The following ARHGAP36 variants were observed in gnomAD, a reference collection of about 807,000 sequenced individuals.
The protein encoded by ARHGAP36 is rho GTPase-activating protein 36.
ARHGAP36 carries 7 observed loss-of-function variants against 32.9 expected under a neutral mutation model. That is an observed-to-expected ratio of 0.21 (90% CI 0.12 to 0.40). The LOEUF is 0.40. Ranked by LOEUF, ARHGAP36 falls within the 10% of genes least tolerant of loss-of-function variation. ARHGAP36 has a pLI of 1.00. For synonymous variants in ARHGAP36, 165 were observed against 168.3 expected (o/e 0.98, Z 0.15); for missense variants, 383 against 442.2 (o/e 0.87, Z 1.20).
chrX:131,088,548 A>G lies in ARHGAP36; in HGVS notation c.1487-80A>G, dbSNP rs2079848272. The G allele has an allele frequency of 9.7e-6, 10 of 1,035,213 alleles. No individual in the cohort carries two copies. In the Middle Eastern group the frequency reaches 1.5e-3, roughly 151 times the overall value. The allele number at this position is 1,035,213 out of a possible 1,213,427, so 85.3% of individuals were successfully genotyped here. ...CCTCATACTGTATTTGAAACTCAAA[A>G]TTAGGTCTTAGTGCCTTGGGTGCTG... On this transcript the variant is annotated intron_variant, in intron 11 of 11. Transcript: ENST00000276211.
chrX:131,084,568 G>A, intron 5 of ARHGAP36, 58 bp from the exon 6 acceptor site: 1 of 1,191,592 alleles, frequency 8.4e-7, no homozygotes, highest in Admixed American at 2.2e-5. Flanking sequence ...GGGGAGAAGA[G>A]AAATGCCATG....
rs1167961143 is a variant in ARHGAP36, at chrX:131,081,506, T to A, written c.-142-18T>A. 8 of 1,040,239 alleles carry A rather than the reference T, an allele frequency of 7.7e-6. No individual in the cohort carries two copies. In the East Asian group the frequency reaches 2.8e-4, roughly 36 times the overall value. The allele number at this position is 1,040,239 out of a possible 1,213,427, so 85.7% of individuals were successfully genotyped here. A position where few individuals can be genotyped will look rare whatever the true frequency, so the allele number is the denominator to read the frequency against. On this transcript the variant is annotated intron_variant, in intron 1 of 11. Coordinates refer to ENST00000276211, the MANE Select transcript of ARHGAP36 (RefSeq NM_144967.4). The stretch of plus-strand genomic sequence containing the variant: ...AAGGGCTGAATTTTTGAAGTTGGAT[T>A]TTTTTTTTCTTTTTTAGCAAAAACA...
chrX:131,071,483 G>A (rs1467422453), intron 1 of ARHGAP36, among the ~76,000 whole-genome samples: 1 of 111,507 alleles, frequency 9.0e-6, no homozygotes, highest in Non-Finnish European at 1.9e-5. Flanking sequence ...AGCAATGATG[G>A]TGAGGTGGCA....
At chrX:131,065,640 CTGAG>C (rs1249871547) in intron 1 of ARHGAP36, among the ~76,000 whole-genome samples, 1 of 111,153 alleles carries the variant, frequency 9.0e-6, no homozygotes, top group Non-Finnish European at 1.9e-5. Context: ...TATGCCCTGC[CTGAG>C]TAAGACTGAC....
chrX:131,080,313 T>C (rs939569152), intron 1 of ARHGAP36, among the ~76,000 whole-genome samples: 1 of 111,462 alleles, frequency 9.0e-6, no homozygotes, highest in African/African-American at 3.3e-5. Context: ...CACAATACTT[T>C]GTTTATATCT....
chrX:131,087,275 A>G (rs1185016954), intron 11 of ARHGAP36, among the ~76,000 whole-genome samples: 1 of 112,096 alleles, frequency 8.9e-6, no homozygotes, highest in African/African-American at 3.2e-5. Context: ...AGTCTTGAAG[A>G]TGTCCCAGCT....
chrX:131,082,051 C>A (rs754787095), intron 2 of ARHGAP36, 133 bp downstream of exon 2: 4 of 831,422 alleles, frequency 4.8e-6, no homozygotes, highest in East Asian at 3.2e-5. Context: ...GTTCTCCTGG[C>A]GTCTGGGGAA....
At chrX:131,062,717 C>CT (rs1399651467) in intron 1 of ARHGAP36, among the ~76,000 whole-genome samples, 3 of 111,870 alleles carry the variant, frequency 2.7e-5, no homozygotes, top group Non-Finnish European at 5.6e-5. Flanking sequence ...TCAAAAGAAG[C>CT]TTTTTTCCCA....
At chrX:131,081,170 C>T (rs915405636) in intron 1 of ARHGAP36, among the ~76,000 whole-genome samples, 11 of 109,639 alleles carry the variant, frequency 1.0e-4, no homozygotes, top group Non-Finnish European at 1.9e-4. Context: ...GGCCTGGGGA[C>T]GATTTTTGGC....
chrX:131,082,526 G>T, intron 2 of ARHGAP36, among the ~76,000 whole-genome samples: 1 of 113,105 alleles, frequency 8.8e-6, no homozygotes, highest in East Asian at 2.8e-4. Context: ...CGCGGATTTG[G>T]CAGCGGAGCC....
In ARHGAP36 at chrX:131,077,021, C is replaced by T. The variant is rs781577392; in HGVS notation, c.-142-4503C>T. On this transcript the variant is annotated intron_variant, in intron 1 of 11. Coordinates refer to ENST00000276211, the MANE Select transcript of ARHGAP36 (RefSeq NM_144967.4). ...TTTAATTATCTTGGAGCGTCATCAC[C>T]ACATTGTATAAAATGAGCCATATTG... Among the ~76,000 whole-genome samples the T allele has an allele frequency of 8.0e-5, 9 of 112,013 alleles. No homozygotes were observed. In the East Asian group the frequency reaches 2.5e-3, roughly 31 times the overall value.
At chrX:131,083,296 C>T in intron 3 of ARHGAP36, 66 bp downstream of exon 3, 1 of 1,079,102 alleles carries the variant, frequency 9.3e-7, no homozygotes, top group Non-Finnish European at 1.3e-6. Context: ...TAGTGTGGCC[C>T]TGGCTATTGG....
chrX:131,058,471 G>C, intron 1 of ARHGAP36, 27 bp downstream of exon 1: 1 of 1,019,622 alleles, frequency 9.8e-7, no homozygotes, highest in South Asian at 3.3e-5. Context: ...GAGTCGGGGG[G>C]CTGGGGTGCT....
intron 1 of ARHGAP36, among the ~76,000 whole-genome samples, chrX:131,075,527 T>C (rs1466076417): frequency 9.2e-6 from 1 of 108,987 alleles, no homozygotes; most frequent in Non-Finnish European, 1.9e-5. Context: ...AATAGTCTTT[T>C]TTTTCCAAAA....
rs1311531400 is a variant in ARHGAP36 at position 131,083,887 on chromosome X, T to C, written c.473T>C (p.Val158Ala). 8.3e-7 allele frequency: 1 copy of C among 1,211,029 alleles called. No individual in the cohort carries two copies. Among genetic ancestry groups the C allele is most frequent in the Non-Finnish European group, 1.1e-6 (1 of 895,323 alleles). The change falls in exon 4 of 12, where the codon GTG becomes GCG. Residue 158 changes from valine (V) to alanine (A), a missense_variant. By Grantham distance (64) the Val-to-Ala change is moderately conservative (BLOSUM62 0). Around this residue, in one of 2 missense-constraint regions of ARHGAP36, gnomAD observed 156 missense variants for 131.0 expected, o/e 1.19. Transcript: ENST00000276211. Reference protein sequence around the residue: ...GRRRGNVVRRVFGRIRRFFSR... With the variant: ...GRRRGNVVRRAFGRIRRFFSR... Reference sequence around the variant, plus strand: ...CGTCGGGGAAACGTGGTGCGAAGGGTGTTTGGCCGCATCCGGCGCTTTTTC... The same window carrying C: ...CGTCGGGGAAACGTGGTGCGAAGGGCGTTTGGCCGCATCCGGCGCTTTTTC...
intron 1 of ARHGAP36, among the ~76,000 whole-genome samples, chrX:131,068,870 T>A (rs1465695250): frequency 9.0e-6 from 1 of 111,707 alleles, no homozygotes; most frequent in Non-Finnish European, 1.9e-5. Flanking sequence ...TAAAGGGCAA[T>A]GGCTATTAGA....
chrX:131,066,566 A>G (rs964732221), intron 1 of ARHGAP36, among the ~76,000 whole-genome samples: 3 of 112,226 alleles, frequency 2.7e-5, no homozygotes, highest in Non-Finnish European at 5.6e-5. Context: ...GACAGTAATT[A>G]TGATGAGTAC....
chrX:131,075,663 ATCTT>A (rs1402206938), intron 1 of ARHGAP36, among the ~76,000 whole-genome samples: 4 of 96,340 alleles, frequency 4.2e-5, no homozygotes, highest in East Asian at 3.1e-4. Flanking sequence ...CCATGTATCT[ATCTT>A]TCTTTCTATC....
chrX:131,060,814 C>T (rs897719021), intron 1 of ARHGAP36, among the ~76,000 whole-genome samples: 3 of 112,343 alleles, frequency 2.7e-5, no homozygotes, highest in Admixed American at 9.4e-5. Context: ...TGTATAATCT[C>T]ACTTAAGTCA....
Sources: allele counts gnomAD v4.1 joint callset (sites outside exome capture counted in the v4.1 genomes callset), GRCh38; gene constraint gnomAD v4.1.1; regional missense constraint gnomAD v4.1.1; transcripts MANE v1.5; gene names NCBI Gene and HGNC (gene_info 2026-07-23, HGNC 2026-07-21).